The following OXTR variants were observed in gnomAD, a reference collection of about 807,000 sequenced individuals.
OXTR encodes the protein oxytocin receptor.
In OXTR, 19 loss-of-function variants were observed where a neutral mutation model predicts 23.9. The ratio of observed to expected loss-of-function variants is 0.80; its 90% CI spans 0.56 to 1.17. OXTR has a LOEUF of 1.17. OXTR is among the 50% of genes most tolerant of loss of function. OXTR has a pLI of 0.00. For missense variants in OXTR, 500 were observed against 550.7 expected (o/e 0.91, Z 0.92); for synonymous variants, 278 against 250.5 (o/e 1.11, Z -1.04).
At chr3:8,759,570 C>T (rs1341399860) in intron 3 of OXTR, among the ~76,000 whole-genome samples, 1 of 152,208 alleles carries the variant, frequency 6.6e-6, no homozygotes, top group African/African-American at 2.4e-5. Flanking sequence ...CAAATAATTT[C>T]CCTGCTCAAC....
At chr3:8,759,676 A>C (rs1222814876) in intron 3 of OXTR, among the ~76,000 whole-genome samples, 6 of 152,230 alleles carry the variant, frequency 3.9e-5, no homozygotes, top group Admixed American at 1.3e-4. Context: ...GTGGAGAGAA[A>C]GGGAGAGAAA....
chr3:8,748,820 C>T (rs1319948132), downstream of OXTR, among the ~76,000 whole-genome samples: 1 of 152,188 alleles, frequency 6.6e-6, no homozygotes, highest in East Asian at 1.9e-4. Flanking sequence ...CCTGCATTGT[C>T]CCCTTACATT....
intron 3 of OXTR, among the ~76,000 whole-genome samples, chr3:8,765,737 T>C (rs237895): frequency 0.65 from 99,355 of 152,106 alleles, 33,777 homozygotes; most frequent in African/African-American, 0.84. Context: ...AACCCTGGCA[T>C]AGGAAACGTC....
the OXTR span, among the ~76,000 whole-genome samples, chr3:8,744,316 T>C: frequency 6.8e-6 from 1 of 147,718 alleles, no homozygotes; most frequent in Non-Finnish European, 1.5e-5. Context: ...TCTCGCTCTG[T>C]CACCCAGGCT....
At chr3:8,763,009 G>C (rs1019473884) in intron 3 of OXTR, among the ~76,000 whole-genome samples, 1 of 152,142 alleles carries the variant, frequency 6.6e-6, no homozygotes, top group Admixed American at 6.5e-5. Context: ...CCTTGTGCCA[G>C]GCATCCCCTG....
chr3:8,755,803 C>T (rs1358476003), intron 3 of OXTR, among the ~76,000 whole-genome samples: 3 of 152,224 alleles, frequency 2.0e-5, no homozygotes, highest in Non-Finnish European at 4.4e-5. Context: ...CACTTCAAAG[C>T]TCTACCATCA....
Position 8,752,768 on chromosome 3 carries a change from T to C in OXTR, c.*209A>G. The C allele has an allele frequency of 1.7e-6, 1 of 584,976 alleles. No individual in the cohort carries two copies. The highest frequency in any genetic ancestry group is 3.0e-6 in the Non-Finnish European group (1 of 332,234). The allele number at this position is 584,976 out of a possible 1,614,324, so 36.2% of individuals were successfully genotyped here. A position where few individuals can be genotyped will look rare whatever the true frequency, so the allele number is the denominator to read the frequency against. ...GGGTTCAGGGTGGTAGAAGTACGTG[T>C]AGGAGGCCAGGGTGTTGTCTGATGG... On this transcript the variant is annotated 3_prime_UTR_variant, in exon 4 of 4. Coordinates refer to ENST00000316793, the MANE Select transcript of OXTR (RefSeq NM_000916.4).
At chr3:8,766,026 T>C (rs1288064256) in intron 3 of OXTR, among the ~76,000 whole-genome samples, 2 of 152,180 alleles carry the variant, frequency 1.3e-5, no homozygotes, top group African/African-American at 2.4e-5. Flanking sequence ...TTTGAGACTA[T>C]TGGGAGCAGT....
At position 8,768,373 on chromosome 3, in the gene OXTR, C is replaced by T. The variant is rs180808429; in HGVS notation, c.-142-44G>A. The T allele has an allele frequency of 4.4e-4, 420 of 958,864 alleles. 2 individuals are homozygous for T. Among genetic ancestry groups the T allele is most frequent in the Middle Eastern group, 1.9e-3 (5 of 2,628 alleles). The allele number at this position is 958,864 out of a possible 1,614,324, so 59.4% of individuals were successfully genotyped here. ...GCCGTGAGGAGACCGCCGCGTTTCT[C>T]TTCCGACGCGGGTAGGGCGTGCTTG... is the stretch of plus-strand genomic sequence containing the variant. On this transcript the variant is annotated intron_variant, in intron 2 of 3. Transcript: ENST00000316793. The surrounding 1 kb of genome is among the most constrained non-coding windows in gnomAD (Gnocchi z 5.4).
intron 3 of OXTR, among the ~76,000 whole-genome samples, chr3:8,753,838 C>T (rs907160716): frequency 6.6e-6 from 1 of 152,056 alleles, no homozygotes; most frequent in Non-Finnish European, 1.5e-5. Flanking sequence ...AGAAACACCA[C>T]GATGCAGACA....
At chr3:8,745,478 AAGCGGGTGGCTTCTGTG>A (rs116840772), downstream of OXTR, 183,672 of 1,486,724 alleles carry the variant, frequency 0.12, 12,384 homozygotes, top group Non-Finnish European at 0.15. The surrounding 1 kb of genome is among the most constrained non-coding windows in gnomAD (Gnocchi z 4.8). Flanking sequence ...AAAGCTTGAG[AAGCGGGTGGCTTCTGTG>A]AGTTGAGGCT....
rs759262978 is a variant in OXTR at position 8,767,748 on chromosome 3, G to A, written c.440C>T (p.Ser147Leu). ...CAGGCGGTCGGTGCGGCGGCGCAGCGAGCGCAGCGGCTGGCAGATGGCCAG... is the reference window on the plus strand; with the variant it reads ...CAGGCGGTCGGTGCGGCGGCGCAGCAAGCGCAGCGGCTGGCAGATGGCCAG... The part of the protein sequence containing the change: ...RCLAICQPLR[S>L]LRRRTDRLAV... The change falls in exon 3 of 4, where the codon TCG becomes TTG. Residue 147 changes from serine (S) to leucine (L), a missense_variant. Physicochemically the swap from Ser to Leu is moderately radical, Grantham distance 145. Coordinates refer to ENST00000316793, the MANE Select transcript of OXTR (RefSeq NM_000916.4). 9 of 1,607,568 alleles carry A rather than the reference G, an allele frequency of 5.6e-6. No individual in the cohort carries two copies. The highest frequency in any genetic ancestry group is 1.7e-5 in the Admixed American group (1 of 59,242).
chr3:8,761,418 T>C (rs1306662544), intron 3 of OXTR, among the ~76,000 whole-genome samples: 1 of 152,118 alleles, frequency 6.6e-6, no homozygotes, highest in East Asian at 1.9e-4. Context: ...TCCATGGATC[T>C]GAGGCAGGTC....
rs1401825076 is a variant in OXTR, at chr3:8,751,041, T to G, written c.*1936A>C. On this transcript the variant is annotated 3_prime_UTR_variant, in exon 4 of 4. Coordinates refer to ENST00000316793, the MANE Select transcript of OXTR (RefSeq NM_000916.4). ...AGTTTCTCTACATCCTCACCGACACTCGTTCTTGTCCATCTTTTTATTGTA... is the reference window on the plus strand; with the variant it reads ...AGTTTCTCTACATCCTCACCGACACGCGTTCTTGTCCATCTTTTTATTGTA... 3.9e-5 allele frequency: 6 copies of G among 152,308 alleles called. No individual in the cohort carries two copies. The highest frequency in any genetic ancestry group is 1.2e-4 in the African/African-American group (5 of 41,562). The allele number at this position is 152,308 out of a possible 1,614,324, so 9.4% of individuals were successfully genotyped here.
intron 3 of OXTR, among the ~76,000 whole-genome samples, chr3:8,766,082 G>A (rs998856953): frequency 6.6e-6 from 1 of 152,244 alleles, no homozygotes; most frequent in Non-Finnish European, 1.5e-5. Flanking sequence ...CTGGAGTGCA[G>A]AAAGGGTGAA....
rs200955968 is a variant in OXTR, at chr3:8,750,706, G to A, written c.*2271C>T. On this transcript the variant is annotated 3_prime_UTR_variant, in exon 4 of 4. Coordinates refer to ENST00000316793, the MANE Select transcript of OXTR (RefSeq NM_000916.4). ...GGCTCATCCATGTTGTGGCATGTGT[G>A]AGTACTTCATTTCTTTTTAGAGTCT... is the stretch of plus-strand genomic sequence containing the variant. 4 of 152,206 alleles carry A rather than the reference G, an allele frequency of 2.6e-5. No homozygotes were observed. Among genetic ancestry groups the A allele is most frequent in the Admixed American group, 6.5e-5 (1 of 15,286 alleles). 9.4% of individuals were successfully genotyped at this position (152,206 alleles called of 1,614,324 possible).
intron 3 of OXTR, among the ~76,000 whole-genome samples, chr3:8,761,907 T>C (rs979851503): frequency 5.9e-5 from 9 of 152,200 alleles, no homozygotes; most frequent in Non-Finnish European, 1.2e-4. Flanking sequence ...CAAGACCAGG[T>C]CCCAGAAGGG....
At chr3:8,759,105 G>A (rs939297629) in intron 3 of OXTR, among the ~76,000 whole-genome samples, 3 of 152,210 alleles carry the variant, frequency 2.0e-5, no homozygotes, top group African/African-American at 7.2e-5. Context: ...AGTTTGAGCA[G>A]CTTCCTTCCA....
At chr3:8,767,032 G>A (rs1260597014) in intron 3 of OXTR, among the ~76,000 whole-genome samples, 1 of 152,214 alleles carries the variant, frequency 6.6e-6, no homozygotes, top group Non-Finnish European at 1.5e-5. Context: ...TATGCCTGGT[G>A]ACAGTTGGTA....
Sources: allele counts gnomAD v4.1 joint callset (sites outside exome capture counted in the v4.1 genomes callset), GRCh38; gene constraint gnomAD v4.1.1; non-coding constraint Gnocchi (gnomAD v3.1); transcripts MANE v1.5; gene names NCBI Gene and HGNC (gene_info 2026-07-23, HGNC 2026-07-21).